Variants in SHISA9 observed in about 807,000 individuals in gnomAD.
SHISA9 encodes the protein protein shisa-9.
SHISA9 carries 13 observed loss-of-function variants against 38.0 expected under a neutral mutation model. The observed-to-expected ratio is 0.34, with a 90% CI of 0.22 to 0.54. The LOEUF (loss-of-function observed/expected upper bound fraction) is 0.54, where lower values mean the gene tolerates loss of function less well. Ranked by LOEUF, SHISA9 falls within the 20% of genes least tolerant of loss-of-function variation. The probability of loss-of-function intolerance (pLI) is 0.91; values close to 1 mark genes in which losing one functional copy is unlikely to be tolerated. For missense variants in SHISA9, 538 were observed against 575.8 expected (o/e 0.93, Z 0.67); for synonymous variants, 275 against 242.0 (o/e 1.14, Z -1.27).
chr16:12,906,494 C>G (rs114477156), intron 1 of SHISA9, among the ~76,000 whole-genome samples: 8 of 152,114 alleles, frequency 5.3e-5, no homozygotes, highest in African/African-American at 1.4e-4. Flanking sequence ...TCGTAAGAAC[C>G]GAACAAATGC....
the SHISA9 span, among the ~76,000 whole-genome samples, chr16:13,268,086 C>G: frequency 4.6e-5 from 7 of 152,084 alleles, no homozygotes; most frequent in African/African-American, 1.7e-4. Flanking sequence ...CCCTTACTAC[C>G]CCACCCATCA....
At chr16:13,431,048 A>T in the SHISA9 span, among the ~76,000 whole-genome samples, 34 of 152,144 alleles carry the variant, frequency 2.2e-4, no homozygotes, top group African/African-American at 8.0e-4. Context: ...TGTTTGGGAA[A>T]CCTCTTCAGC....
At chr16:13,241,921 T>C (rs566822782), downstream of SHISA9, among the ~76,000 whole-genome samples, 29 of 152,280 alleles carry the variant, frequency 1.9e-4, no homozygotes, top group Non-Finnish European at 3.8e-4. Flanking sequence ...GCCCCAAGAA[T>C]GTAGTCATAG....
At chr16:13,422,058 A>G in the SHISA9 span, among the ~76,000 whole-genome samples, 1 of 152,112 alleles carries the variant, frequency 6.6e-6, no homozygotes, top group African/African-American at 2.4e-5. Context: ...ATCACTACAC[A>G]AGTGGAGCTG....
chr16:13,410,023 A>G, the SHISA9 span, among the ~76,000 whole-genome samples: 1 of 152,210 alleles, frequency 6.6e-6, no homozygotes, highest in Non-Finnish European at 1.5e-5. Flanking sequence ...TATGGTGGCA[A>G]TGATTATATT....
chr16:12,956,405 T>C (rs760280418), intron 2 of SHISA9, among the ~76,000 whole-genome samples: 22 of 152,160 alleles, frequency 1.4e-4, no homozygotes, highest in Non-Finnish European at 2.9e-4. Context: ...AAGAAATAAT[T>C]ATATAAAAAA....
At chr16:13,170,363 G>A (rs1596699072) in intron 2 of SHISA9, among the ~76,000 whole-genome samples, 1 of 152,256 alleles carries the variant, frequency 6.6e-6, no homozygotes, top group South Asian at 2.1e-4. Flanking sequence ...CTGAACTCAG[G>A]GGCTTTGTGT....
At chr16:13,167,029 T>C (rs1165461903) in intron 2 of SHISA9, among the ~76,000 whole-genome samples, 3 of 151,942 alleles carry the variant, frequency 2.0e-5, no homozygotes, top group African/African-American at 7.2e-5. Flanking sequence ...GAATTTTTTT[T>C]ATTCTTACTT....
intron 2 of SHISA9, among the ~76,000 whole-genome samples, chr16:13,193,955 A>G (rs547796211): frequency 1.1e-3 from 166 of 152,288 alleles, no homozygotes; most frequent in African/African-American, 3.6e-3. Context: ...TCTCAGAGGA[A>G]GCAGGACAAG....
the SHISA9 span, among the ~76,000 whole-genome samples, chr16:13,408,635 G>T: frequency 6.6e-6 from 1 of 152,126 alleles, no homozygotes; most frequent in Non-Finnish European, 1.5e-5. Context: ...CTTAGGAAAA[G>T]CTCTAATGAG....
At chr16:13,373,024 C>T in the SHISA9 span, among the ~76,000 whole-genome samples, 2 of 151,954 alleles carry the variant, frequency 1.3e-5, no homozygotes. Flanking sequence ...CAATTCTTGC[C>T]CCCCTTGGAG....
chr16:12,999,023 G>A (rs2072492477), intron 2 of SHISA9, among the ~76,000 whole-genome samples: 1 of 152,102 alleles, frequency 6.6e-6, no homozygotes, highest in South Asian at 2.1e-4. Flanking sequence ...TGATGTATTT[G>A]ATGTGTGTTT....
chr16:13,203,556 G>T lies in SHISA9; in HGVS notation c.847+7G>T, dbSNP rs1264733207. On this transcript the variant is annotated splice_region_variant and intron_variant, in intron 3 of 4. Transcript: ENST00000558583. ...GCCTCCTTAAAGGCAGTCGGTAAGT[G>T]CCACCTGATGGATCTTTTTCTCTTT... 1.3e-6 allele frequency: 2 copies of T among 1,503,100 alleles called. No individual in the cohort carries two copies. The highest frequency in any genetic ancestry group is 1.8e-6 in the Non-Finnish European group (2 of 1,124,902). The allele number at this position is 1,503,100 out of a possible 1,614,324, so 93.1% of individuals were successfully genotyped here. A position where few individuals can be genotyped will look rare whatever the true frequency, so the allele number is the denominator to read the frequency against.
At chr16:13,221,088 T>G (rs1387808341) in intron 4 of SHISA9, among the ~76,000 whole-genome samples, 1 of 151,936 alleles carries the variant, frequency 6.6e-6, no homozygotes, top group Non-Finnish European at 1.5e-5. Flanking sequence ...GGGTTAAGAC[T>G]AAAAAAGGGC....
the SHISA9 span, among the ~76,000 whole-genome samples, chr16:13,403,111 C>CA: frequency 0.43 from 62,316 of 144,826 alleles, 13,769 homozygotes; most frequent in East Asian, 0.68. Context: ...CTCAAAAACA[C>CA]AAAAAAAAAA....
chr16:13,375,249 G>A, the SHISA9 span, among the ~76,000 whole-genome samples: 1 of 152,240 alleles, frequency 6.6e-6, no homozygotes, highest in African/African-American at 2.4e-5. Flanking sequence ...CCTTTCCCAT[G>A]CCTATGTCCT....
intron 2 of SHISA9, among the ~76,000 whole-genome samples, chr16:13,074,201 C>G (rs893479779): frequency 3.9e-5 from 6 of 152,086 alleles, no homozygotes; most frequent in African/African-American, 9.7e-5. Context: ...AACTCCTGAC[C>G]TCAGGTGATC....
the SHISA9 span, among the ~76,000 whole-genome samples, chr16:13,518,594 C>G: frequency 2.0e-5 from 3 of 152,140 alleles, no homozygotes; most frequent in East Asian, 1.9e-4. Context: ...CCCAACCCAC[C>G]TGAAATGACA....
intron 1 of SHISA9, among the ~76,000 whole-genome samples, chr16:12,907,963 T>C (rs12599702): frequency 0.12 from 18,458 of 152,196 alleles, 1,310 homozygotes; most frequent in South Asian, 0.27. Context: ...TTGCTCTGCA[T>C]AGCGCAGACT....
Sources: allele counts gnomAD v4.1 joint callset (sites outside exome capture counted in the v4.1 genomes callset), GRCh38; gene constraint gnomAD v4.1.1; transcripts MANE v1.5; gene names NCBI Gene and HGNC (gene_info 2026-07-23, HGNC 2026-07-21).